Variants in TMEM151A observed in about 807,000 individuals in gnomAD.
TMEM151A encodes the protein transmembrane protein 151.
TMEM151A carries 21 observed loss-of-function variants against 33.7 expected under a neutral mutation model. That is an observed-to-expected ratio of 0.62 (90% CI 0.44 to 0.90). TMEM151A has a LOEUF of 0.90. TMEM151A is among the 40% of genes least tolerant of loss of function. The pLI is 0.00. For missense variants in TMEM151A, 704 were observed against 697.7 expected (o/e 1.01, Z -0.10); for synonymous variants, 374 against 330.3 (o/e 1.13, Z -1.43).
chr11:66,294,629 C>T lies in TMEM151A; in HGVS notation c.383C>T (p.Pro128Leu), dbSNP rs1337611678. The T allele has an allele frequency of 6.2e-7, 1 of 1,611,060 alleles. No individual in the cohort carries two copies. Among genetic ancestry groups the T allele is most frequent in the African/African-American group, 1.3e-5 (1 of 75,020 alleles). ...WHCHVRSCQA[P>L]RTDAHTVLAL... is the part of the protein sequence containing the mutation. ...TGTCACGTGCGGTCCTGCCAGGCGC[C>T]ACGCACCGACGCCCACACGGTGCTG... The change falls in exon 2 of 2, where the codon CCA becomes CTA. Residue 128 changes from proline to leucine, a missense_variant. Coordinates refer to ENST00000327259, the MANE Select transcript of TMEM151A (RefSeq NM_153266.4).
rs1454344204 is a variant in TMEM151A at position 66,294,896 on chromosome 11, G to A, written c.650G>A (p.Arg217Gln). The change falls in exon 2 of 2, where the codon CGG (arginine) becomes CAG (glutamine). Residue 217 changes from arginine (R) to glutamine (Q), a missense_variant. Coordinates refer to ENST00000327259, the MANE Select transcript of TMEM151A (RefSeq NM_153266.4). ...GGGCTGGCGGAGCACGCGGCCACGC[G>A]GCTGCGCTTCACCAAGTGCTTCAGC... is the stretch of plus-strand genomic sequence containing the variant. ...LVGLAEHAATRLRFTKCFSFG... is the reference protein window; with the variant it reads ...LVGLAEHAATQLRFTKCFSFG... 6 of 1,536,914 alleles carry A rather than the reference G, an allele frequency of 3.9e-6. No homozygotes were observed. The East Asian group carries it at 9.8e-5, about 25-fold the overall frequency.
chr11:66,295,563 C>A lies in TMEM151A; in HGVS notation c.1317C>A (p.Ser439Arg). 1 of 1,489,024 alleles carries A rather than the reference C, an allele frequency of 6.7e-7. No homozygotes were observed. The highest frequency in any genetic ancestry group is 8.9e-7 in the Non-Finnish European group (1 of 1,121,122). The allele number at this position is 1,489,024 out of a possible 1,614,324, so 92.2% of individuals were successfully genotyped here. ...RRGEDTEPLE[S>R]PPCYEDALYF... The stretch of plus-strand genomic sequence containing the variant: ...GAGAGGACACGGAACCCCTGGAGAG[C>A]CCGCCCTGCTATGAGGACGCCCTCT... The change falls in exon 2 of 2, where the codon AGC becomes AGA. Residue 439 changes from serine to arginine, a missense_variant. Around this residue, in one of 3 missense-constraint regions of TMEM151A, gnomAD observed 398 missense variants for 356.0 expected, o/e 1.12. Coordinates refer to ENST00000327259, the MANE Select transcript of TMEM151A (RefSeq NM_153266.4).
chr11:66,295,168 A>G lies in TMEM151A; in HGVS notation c.922A>G (p.Thr308Ala). 6.3e-7 allele frequency: 1 copy of G among 1,585,886 alleles called. No individual in the cohort carries two copies. Among genetic ancestry groups the G allele is most frequent in the Non-Finnish European group, 8.5e-7 (1 of 1,170,490 alleles). Residue 308 changes from threonine to alanine, a missense_variant, in exon 2 of 2, where the codon ACG becomes GCG. Physicochemically the swap from Thr to Ala is moderately conservative, Grantham distance 58. This residue lies in a region of TMEM151A where 398 missense variants were observed against 356.0 expected (regional missense o/e 1.12). Transcript: ENST00000327259. ...WPLRVVAAYG[T>A]AHVHYQVEKL... ...CCTGCGCGTCGTGGCCGCCTATGGC[A>G]CGGCTCACGTGCACTACCAGGTGGA...
chr11:66,293,400 C>T (rs1464801021), intron 1 of TMEM151A, among the ~76,000 whole-genome samples: 1 of 152,098 alleles, frequency 6.6e-6, no homozygotes. Flanking sequence ...ACCTGCTTCT[C>T]TCTCCATGGC....
rs760050029 is a variant in TMEM151A, at chr11:66,294,525, C to T, written c.279C>T (p.Pro93=). Residue 93 remains proline, a synonymous_variant, in exon 2 of 2, where the codon CCC becomes CCT. Transcript: ENST00000327259. ...GGPPPTYPAS[P]CSDGYLYIPL... ...CGCCACCGACCTACCCGGCCAGCCCCTGCTCCGATGGCTACCTGTACATCC... is the reference window on the plus strand; with the variant it reads ...CGCCACCGACCTACCCGGCCAGCCCTTGCTCCGATGGCTACCTGTACATCC... 3 of 1,611,774 alleles carry T rather than the reference C, an allele frequency of 1.9e-6. No homozygotes were observed. Among genetic ancestry groups the T allele is most frequent in the Non-Finnish European group, 2.5e-6 (3 of 1,179,054 alleles).
At position 66,292,096 on chromosome 11, in the gene TMEM151A, C is replaced by G; in HGVS notation, c.75+8C>G. 1 of 1,454,220 alleles carries G rather than the reference C, an allele frequency of 6.9e-7. No individual in the cohort carries two copies. Among genetic ancestry groups the G allele is most frequent in the Non-Finnish European group, 9.0e-7 (1 of 1,113,462 alleles). 90.1% of individuals were successfully genotyped at this position (1,454,220 alleles called of 1,614,324 possible). A position where few individuals can be genotyped will look rare whatever the true frequency, so the allele number is the denominator to read the frequency against. On this transcript the variant is annotated splice_region_variant and intron_variant, in intron 1 of 1. Coordinates refer to ENST00000327259, the MANE Select transcript of TMEM151A (RefSeq NM_153266.4). The surrounding 1 kb of genome is among the most constrained non-coding windows in gnomAD (Gnocchi z 4.7). ...GAGCCGCTGCGGGAAGAGGTACCGG[C>G]GCTGGGGGGGCCGGAGCCGGGCCTG...
rs1265793508 is a variant in TMEM151A at position 66,295,137 on chromosome 11, G to C, written c.891G>C (p.Ser297=). The C allele has an allele frequency of 4.4e-6, 7 of 1,583,786 alleles. No homozygotes were observed. Among genetic ancestry groups the C allele is most frequent in the Non-Finnish European group, 5.1e-6 (6 of 1,171,314 alleles). The change falls in exon 2 of 2, where the codon TCG becomes TCC. Residue 297 remains serine, a synonymous_variant. Transcript: ENST00000327259. Reference sequence around the variant, plus strand: ...GGCTCGTGTCGGCGGCCACGCTGTCGTGGCCCCTGCGCGTCGTGGCCGCCT... The same window carrying C: ...GGCTCGTGTCGGCGGCCACGCTGTCCTGGCCCCTGCGCGTCGTGGCCGCCT... The part of the protein sequence containing the change: ...VFWLVSAATL[S]WPLRVVAAYG...
At position 66,294,591 on chromosome 11, in the gene TMEM151A, T is replaced by C; in HGVS notation, c.345T>C (p.Ala115=). The C allele has an allele frequency of 1.2e-6, 2 of 1,612,972 alleles. No homozygotes were observed. The highest frequency in any genetic ancestry group is 1.7e-6 in the Non-Finnish European group (2 of 1,179,514). The change falls in exon 2 of 2, where the codon GCT becomes GCC. Residue 115 remains alanine, a synonymous_variant. Transcript: ENST00000327259. The part of the protein sequence containing the change: ...FVSLLYLLYL[A]ECWHCHVRSC... Reference sequence around the variant, plus strand: ...CCCTCCTCTACCTCCTCTACCTGGCTGAGTGCTGGCACTGTCACGTGCGGT... The same window carrying C: ...CCCTCCTCTACCTCCTCTACCTGGCCGAGTGCTGGCACTGTCACGTGCGGT...
In TMEM151A at chr11:66,294,312, C is replaced by T. The variant is rs1241596038; in HGVS notation, c.76-10C>T. On this transcript the variant is annotated splice_polypyrimidine_tract_variant and intron_variant, in intron 1 of 1. Transcript: ENST00000327259. ...CTGACACAGACTTCCCTTTCTCTGC[C>T]CACCTGCAGCAGCGGCCCCTGAAAC... is the stretch of plus-strand genomic sequence containing the variant. 2.5e-6 allele frequency: 4 copies of T among 1,604,446 alleles called. No individual in the cohort carries two copies. The highest frequency in any genetic ancestry group is 2.2e-5 in the South Asian group (2 of 90,958).
rs1328301767 is a variant in TMEM151A, at chr11:66,295,889, G to A, written c.*236G>A. On this transcript the variant is annotated 3_prime_UTR_variant, in exon 2 of 2. Coordinates refer to ENST00000327259, the MANE Select transcript of TMEM151A (RefSeq NM_153266.4). ...CATGGCTTCATCCCCCAAGATGGCC[G>A]ATGATCTGGCCTGAAGGCCTCTCAC... The A allele has an allele frequency of 7.5e-6, 3 of 401,528 alleles. No homozygotes were observed. Among genetic ancestry groups the A allele is most frequent in the Admixed American group, 4.5e-5 (1 of 22,364 alleles). The allele number at this position is 401,528 out of a possible 1,614,324, so 24.9% of individuals were successfully genotyped here.
chr11:66,295,584 C>A lies in TMEM151A; in HGVS notation c.1338C>A (p.Ala446=). 1 of 1,533,726 alleles carries A rather than the reference C, an allele frequency of 6.5e-7. No homozygotes were observed. The highest frequency in any genetic ancestry group is 8.7e-7 in the Non-Finnish European group (1 of 1,142,874). Residue 446 remains alanine (A), a synonymous_variant, in exon 2 of 2, where the codon GCC becomes GCA. Coordinates refer to ENST00000327259, the MANE Select transcript of TMEM151A (RefSeq NM_153266.4). ...AGAGCCCGCCCTGCTATGAGGACGC[C>A]CTCTACTTCCCGGTGCTCATTGTCC... The part of the protein sequence containing the change: ...PLESPPCYED[A]LYFPVLIVHG...
chr11:66,294,888 G>A lies in TMEM151A; in HGVS notation c.642G>A (p.Ala214=). The stretch of plus-strand genomic sequence containing the variant: ...AGCTGGTGGGGCTGGCGGAGCACGC[G>A]GCCACGCGGCTGCGCTTCACCAAGT... The part of the protein sequence containing the change: ...SKELVGLAEH[A]ATRLRFTKCF... Residue 214 remains alanine, a synonymous_variant, in exon 2 of 2, where the codon GCG becomes GCA. Coordinates refer to ENST00000327259, the MANE Select transcript of TMEM151A (RefSeq NM_153266.4). 3 of 1,536,510 alleles carry A rather than the reference G, an allele frequency of 2.0e-6. No individual in the cohort carries two copies. Among genetic ancestry groups the A allele is most frequent in the Non-Finnish European group, 1.7e-6 (2 of 1,145,516 alleles).
chr11:66,295,365 C>T lies in TMEM151A; in HGVS notation c.1119C>T (p.Tyr373=), dbSNP rs568931757. ...TCATGGGCGCGGGCTCGGGCGCCTA[C>T]CTCAGAGGCTGCCAGCGCTGCCGCC... ...AVVMGAGSGA[Y]LRGCQRCRRS... Residue 373 remains tyrosine (Y), a synonymous_variant, in exon 2 of 2, where the codon TAC becomes TAT. Coordinates refer to ENST00000327259, the MANE Select transcript of TMEM151A (RefSeq NM_153266.4). 5 of 1,571,996 alleles carry T rather than the reference C, an allele frequency of 3.2e-6. No individual in the cohort carries two copies. The African/African-American group carries it at 6.8e-5, about 21-fold the overall frequency.
Position 66,295,143 on chromosome 11 carries a change from C to A in TMEM151A, c.897C>A (p.Pro299=). The change falls in exon 2 of 2, where the codon CCC becomes CCA. Residue 299 remains proline, a synonymous_variant. Coordinates refer to ENST00000327259, the MANE Select transcript of TMEM151A (RefSeq NM_153266.4). ...WLVSAATLSW[P]LRVVAAYGTA... is the part of the protein sequence containing the mutation. ...TGTCGGCGGCCACGCTGTCGTGGCC[C>A]CTGCGCGTCGTGGCCGCCTATGGCA... 6.3e-7 allele frequency: 1 copy of A among 1,583,118 alleles called. No homozygotes were observed.
At position 66,295,386 on chromosome 11, in the gene TMEM151A, C is replaced by T; in HGVS notation, c.1140C>T (p.Cys380=). 6.5e-7 allele frequency: 1 copy of T among 1,548,606 alleles called. No homozygotes were observed. The highest frequency in any genetic ancestry group is 8.7e-7 in the Non-Finnish European group (1 of 1,149,536). ...CCTACCTCAGAGGCTGCCAGCGCTG[C>T]CGCCGCTCTGTCAGCAGCAACTCGC... ...SGAYLRGCQR[C]RRSVSSNSLP... The change falls in exon 2 of 2, where the codon TGC becomes TGT. Residue 380 remains cysteine (C), a synonymous_variant. Coordinates refer to ENST00000327259, the MANE Select transcript of TMEM151A (RefSeq NM_153266.4).
rs1857469117 is a variant in TMEM151A, at chr11:66,292,715, G to C, written c.75+627G>C. 6.6e-6 allele frequency among the ~76,000 whole-genome samples: 1 copy of C among 152,186 alleles called. No individual in the cohort carries two copies. Among genetic ancestry groups the C allele is most frequent in the African/African-American group, 2.4e-5 (1 of 41,440 alleles). ...TTGGGTGAATGTAGCCTGCTTCTGT[G>C]TGTGTGTTGTGTGGGTGTGTGAATT... On this transcript the variant is annotated intron_variant, in intron 1 of 1. Transcript: ENST00000327259. The surrounding 1 kb of genome is among the most constrained non-coding windows in gnomAD (Gnocchi z 4.7).
chr11:66,294,800 A>G lies in TMEM151A; in HGVS notation c.554A>G (p.Asp185Gly). The part of the protein sequence containing the change: ...TTTQVYHERA[D>G]SRTARGEFDY... ...ACGCAGGTGTACCATGAGCGCGCTG[A>G]CAGCCGCACGGCCCGCGGCGAGTTT... is the stretch of plus-strand genomic sequence containing the variant. Residue 185 changes from aspartate (D) to glycine (G), a missense_variant, in exon 2 of 2, where the codon GAC becomes GGC. This residue lies in a region of TMEM151A where 301 missense variants were observed against 323.4 expected (regional missense o/e 0.93). Transcript: ENST00000327259. The G allele has an allele frequency of 6.5e-7, 1 of 1,543,552 alleles. No individual in the cohort carries two copies. The highest frequency in any genetic ancestry group is 1.2e-5 in the South Asian group (1 of 84,156).
chr11:66,294,853 G>A lies in TMEM151A; in HGVS notation c.607G>A (p.Val203Ile), dbSNP rs1590901232. The part of the protein sequence containing the change: ...FDYSAHGVRD[V>I]SKELVGLAEH... The stretch of plus-strand genomic sequence containing the variant: ...CTACTCGGCGCACGGCGTCCGCGAC[G>A]TCTCCAAGGAGCTGGTGGGGCTGGC... Residue 203 changes from valine to isoleucine, a missense_variant, in exon 2 of 2, where the codon GTC becomes ATC. By Grantham distance (29) the Val-to-Ile change is conservative (BLOSUM62 3). Coordinates refer to ENST00000327259, the MANE Select transcript of TMEM151A (RefSeq NM_153266.4). The A allele has an allele frequency of 6.5e-7, 1 of 1,537,990 alleles. No homozygotes were observed. Among genetic ancestry groups the A allele is most frequent in the East Asian group, 2.4e-5 (1 of 40,848 alleles).
At position 66,294,835 on chromosome 11, in the gene TMEM151A, G is replaced by T; in HGVS notation, c.589G>T (p.Ala197Ser). 1 of 1,539,434 alleles carries T rather than the reference G, an allele frequency of 6.5e-7. No individual in the cohort carries two copies. Among genetic ancestry groups the T allele is most frequent in the South Asian group, 1.2e-5 (1 of 84,032 alleles). The change falls in exon 2 of 2, where the codon GCG becomes TCG. Residue 197 changes from alanine to serine, a missense_variant. Transcript: ENST00000327259. ...RTARGEFDYS[A>S]HGVRDVSKEL... ...GGCCCGCGGCGAGTTTGACTACTCGGCGCACGGCGTCCGCGACGTCTCCAA... is the reference window on the plus strand; with the variant it reads ...GGCCCGCGGCGAGTTTGACTACTCGTCGCACGGCGTCCGCGACGTCTCCAA...
Sources: allele counts gnomAD v4.1 joint callset (sites outside exome capture counted in the v4.1 genomes callset), GRCh38; gene constraint gnomAD v4.1.1; regional missense constraint gnomAD v4.1.1; non-coding constraint Gnocchi (gnomAD v3.1); transcripts MANE v1.5; gene names NCBI Gene and HGNC (gene_info 2026-07-23, HGNC 2026-07-21).